Variants in ATP13A2 observed in about 807,000 individuals in gnomAD.
The protein encoded by ATP13A2 is polyamine-transporting ATPase 13A2.
ATP13A2 carries 83 observed loss-of-function variants against 138.3 expected under a neutral mutation model. The observed-to-expected ratio is 0.60, with a 90% CI of 0.50 to 0.72. The LOEUF (loss-of-function observed/expected upper bound fraction) is 0.72. ATP13A2 is among the 30% of genes least tolerant of loss of function. The probability of loss-of-function intolerance (pLI) is 0.00; values close to 1 mark genes in which losing one functional copy is unlikely to be tolerated. For synonymous variants in ATP13A2, 663 were observed against 699.0 expected, an observed-to-expected ratio of 0.95 and a Z score of 0.81; for missense variants, 1,402 against 1,606.4, an observed-to-expected ratio of 0.87 and a Z score of 2.17.
rs1225764498 is a variant in ATP13A2 at position 16,986,148 on chromosome 1, G to A, written c.*73C>T. ...GGATGTGGGAGGTGGTGGCGGTGGT[G>A]TTGCTGGAGAGGGGTCCAGTTGGTG... On this transcript the variant is annotated 3_prime_UTR_variant, in exon 29 of 29. Coordinates refer to ENST00000326735, the MANE Select transcript of ATP13A2 (RefSeq NM_022089.4). This position sits in a 1 kb window ranked among gnomAD's most constrained non-coding sequence, Gnocchi z 6.9. 6.2e-7 allele frequency: 1 copy of A among 1,605,670 alleles called. No individual in the cohort carries two copies. Among genetic ancestry groups the A allele is most frequent in the South Asian group, 1.1e-5 (1 of 89,250 alleles).
chr1:17,002,901 C>T (rs1339048922), intron 6 of ATP13A2, among the ~76,000 whole-genome samples: 1 of 152,198 alleles, frequency 6.6e-6, no homozygotes, highest in Non-Finnish European at 1.5e-5. Flanking sequence ...CCCTCTGCCT[C>T]ACCTCCACAT....
rs1206896222 is a variant in ATP13A2 at position 17,005,737 on chromosome 1, T to A, written c.52A>T (p.Thr18Ser). The change falls in exon 2 of 29, where the codon ACC becomes TCC. Residue 18 changes from threonine to serine, a missense_variant. Coordinates refer to ENST00000326735, the MANE Select transcript of ATP13A2 (RefSeq NM_022089.4). ...LVGSTPTGYG[T>S]LTIGTSIDPL... is the part of the protein sequence containing the mutation. ...TCTATTGATGTCCCTATCGTCAGGG[T>A]CCCATAACCGGTGGGCGTGCTGCCC... is the stretch of plus-strand genomic sequence containing the variant. 6.2e-7 allele frequency: 1 copy of A among 1,613,228 alleles called. No individual in the cohort carries two copies. Among genetic ancestry groups the A allele is most frequent in the Non-Finnish European group, 8.5e-7 (1 of 1,179,696 alleles).
intron 11 of ATP13A2, among the ~76,000 whole-genome samples, 198 bp from the exon 12 acceptor site, chr1:16,997,373 A>G (rs1371104381): frequency 1.5e-5 from 2 of 136,034 alleles, no homozygotes; most frequent in African/African-American, 5.7e-5. Flanking sequence ...GCACAGGGAG[A>G]CACTCCTGGA....
chr1:17,002,668 G>A (rs780722945), intron 6 of ATP13A2, among the ~76,000 whole-genome samples: 3 of 152,162 alleles, frequency 2.0e-5, no homozygotes, highest in African/African-American at 4.8e-5. Flanking sequence ...TTACACTGAT[G>A]ATACCCTGGG....
At chr1:17,003,820 C>T (rs1348641210) in intron 6 of ATP13A2, among the ~76,000 whole-genome samples, 1 of 151,976 alleles carries the variant, frequency 6.6e-6, no homozygotes, top group Middle Eastern at 3.2e-3. Context: ...CATGCCATCA[C>T]GCCCAGCTAA....
chr1:16,986,338 G>C lies in ATP13A2; in HGVS notation c.3426C>G (p.Leu1142=), dbSNP rs959029475. The C allele has an allele frequency of 3.0e-5, 48 of 1,580,246 alleles. No homozygotes were observed. The highest frequency in any genetic ancestry group is 3.9e-5 in the Non-Finnish European group (46 of 1,165,240). The change falls in exon 29 of 29, where the codon CTC becomes CTG. Residue 1142 remains leucine (L), a synonymous_variant. Coordinates refer to ENST00000326735, the MANE Select transcript of ATP13A2 (RefSeq NM_022089.4). This position sits in a 1 kb window ranked among gnomAD's most constrained non-coding sequence, Gnocchi z 6.9. The part of the protein sequence containing the change: ...FMLESVLDQC[L]PACLRRLRPK... ...GCCGGAGGCGGCGCAGGCAGGCGGG[G>C]AGGCACTGGTCTAGCACGCTCTGCA...
chr1:16,987,773 G>A (rs1048246804), intron 25 of ATP13A2, among the ~76,000 whole-genome samples: 2 of 152,182 alleles, frequency 1.3e-5, no homozygotes, highest in African/African-American at 2.4e-5. Context: ...CCAAGGTATG[G>A]GGCAAAGCAA....
At position 16,987,028 on chromosome 1, in the gene ATP13A2, A is replaced by G. The variant is rs1439411458; in HGVS notation, c.3083+18T>C. ...GGGAAGGGGCGGGATGGGGGTGGTC[A>G]GTCAGCTCCCTACTCACCATGGCTG... is the stretch of plus-strand genomic sequence containing the variant. On this transcript the variant is annotated intron_variant, in intron 26 of 28. Coordinates refer to ENST00000326735, the MANE Select transcript of ATP13A2 (RefSeq NM_022089.4). 1.2e-6 allele frequency: 2 copies of G among 1,613,402 alleles called. No homozygotes were observed. The highest frequency in any genetic ancestry group is 1.7e-5 in the Admixed American group (1 of 60,010).
At position 17,005,722 on chromosome 1, in the gene ATP13A2, T is replaced by A. The variant is rs934435975; in HGVS notation, c.67A>T (p.Thr23Ser). ...PTGYGTLTIGTSIDPLSSSVS... is the reference protein window; with the variant it reads ...PTGYGTLTIGSSIDPLSSSVS... ...GAGGAGCTGAGGGGATCTATTGATGTCCCTATCGTCAGGGTCCCATAACCG... is the reference window on the plus strand; with the variant it reads ...GAGGAGCTGAGGGGATCTATTGATGACCCTATCGTCAGGGTCCCATAACCG... Residue 23 changes from threonine (T) to serine (S), a missense_variant, in exon 2 of 29, where the codon ACA becomes TCA. Coordinates refer to ENST00000326735, the MANE Select transcript of ATP13A2 (RefSeq NM_022089.4). 3.1e-6 allele frequency: 5 copies of A among 1,613,630 alleles called. No individual in the cohort carries two copies. In the African/African-American group the frequency reaches 4.0e-5, roughly 13 times the overall value.
At chr1:16,992,211 A>G (rs2076957000) in intron 18 of ATP13A2, 32 bp downstream of exon 18, 2 of 1,611,760 alleles carry the variant, frequency 1.2e-6, no homozygotes, top group Non-Finnish European at 1.7e-6. Flanking sequence ...GCCAATGCCC[A>G]ACCAGGGGGA....
intron 23 of ATP13A2, among the ~76,000 whole-genome samples, chr1:16,988,838 T>C (rs1375334895): frequency 6.6e-6 from 1 of 152,134 alleles, no homozygotes; most frequent in African/African-American, 2.4e-5. Flanking sequence ...TTCACCATGT[T>C]GGCCAGGCTG....
At chr1:17,008,593 G>A (rs1040617844) in intron 1 of ATP13A2, among the ~76,000 whole-genome samples, 3 of 152,106 alleles carry the variant, frequency 2.0e-5, no homozygotes, top group African/African-American at 7.2e-5. Context: ...ACATCACCCT[G>A]TCTGAAGCCC....
Position 16,999,380 on chromosome 1 carries a change from CAAAAAAAAAAAA to C in ATP13A2, c.1039+619_1039+630del, listed in dbSNP as rs67969184. 3.9e-4 allele frequency among the ~76,000 whole-genome samples: 22 copies of C among 56,162 alleles called. No individual in the cohort carries two copies. The East Asian group carries it at 0.011, about 28-fold the overall frequency. The allele number at this position is 56,162 out of a possible 152,430, so 36.8% of individuals were successfully genotyped here. A position where few individuals can be genotyped will look rare whatever the true frequency, so the allele number is the denominator to read the frequency against. On this transcript the variant is annotated intron_variant, in intron 11 of 28. Coordinates refer to ENST00000326735, the MANE Select transcript of ATP13A2 (RefSeq NM_022089.4). ...GGGCAACAAGAGTGAAACTCCATCT[CAAAAAAAAAAAA>C]AAAAAAAAAAAAAGGAGAAATAGCC...
At chr1:17,000,896 C>T (rs903898401) in intron 8 of ATP13A2, 10 of 247,674 alleles carry the variant, frequency 4.0e-5, no homozygotes, top group Admixed American at 2.5e-4. Context: ...GAGCTGAGAT[C>T]GCGCCACTGC....
chr1:16,996,896 A>T, intron 12 of ATP13A2, 124 bp downstream of exon 12: 1 of 1,283,758 alleles, frequency 7.8e-7, no homozygotes, highest in East Asian at 2.5e-5. Flanking sequence ...CCGAGGTCCC[A>T]CAGCAGGGCA....
At chr1:17,000,194 G>GACCC in intron 10 of ATP13A2, 52 bp from the exon 11 acceptor site, 82 of 1,570,248 alleles carry the variant, frequency 5.2e-5, no homozygotes, top group South Asian at 2.7e-4. Context: ...CCCCAGCCAT[G>GACCC]CCCCCCCACC....
At position 17,005,426 on chromosome 1, in the gene ATP13A2, G is replaced by C. The variant is rs1293000670; in HGVS notation, c.236C>G (p.Pro79Arg). The C allele has an allele frequency of 6.2e-7, 1 of 1,613,196 alleles. No individual in the cohort carries two copies. The highest frequency in any genetic ancestry group is 1.1e-5 in the South Asian group (1 of 90,964). ...PLWGVRLRLR[P>R]CNLAHAETLV... ...TGTTTCGGCGTGGGCCAGGTTGCAG[G>C]GCCGGAGCCGCAGCCGCACCCCCCA... The change falls in exon 3 of 29, where the codon CCC becomes CGC. Residue 79 changes from proline (P) to arginine (R), a missense_variant. Pro to Arg is a moderately radical substitution (Grantham distance 103). Transcript: ENST00000326735.
intron 6 of ATP13A2, among the ~76,000 whole-genome samples, chr1:17,002,976 C>A (rs913583772): frequency 2.0e-5 from 3 of 152,204 alleles, no homozygotes; most frequent in Non-Finnish European, 4.4e-5. Context: ...GAATCCCCTG[C>A]CTGTGAGCCC....
chr1:16,988,169 G>A lies in ATP13A2; in HGVS notation c.2828C>T (p.Thr943Ile), dbSNP rs1401431520. The A allele has an allele frequency of 8.1e-6, 13 of 1,614,040 alleles. No individual in the cohort carries two copies. In the Admixed American group the frequency reaches 1.5e-4, roughly 19 times the overall value. ...VFKYMALYSL[T>I]QFISVLILYT... ...GAGGATCAGGACGGAGATGAACTGG[G>A]TCAGGCTGTACAGAGCCATGTACTT... The change falls in exon 25 of 29, where the codon ACC becomes ATC. Residue 943 changes from threonine (T) to isoleucine (I), a missense_variant. Transcript: ENST00000326735.
Sources: allele counts gnomAD v4.1 joint callset (sites outside exome capture counted in the v4.1 genomes callset), GRCh38; gene constraint gnomAD v4.1.1; non-coding constraint Gnocchi (gnomAD v3.1); transcripts MANE v1.5; gene names NCBI Gene and HGNC (gene_info 2026-07-23, HGNC 2026-07-21).